The following HTR1E variants were observed in gnomAD, a reference collection of about 807,000 sequenced individuals.
The protein encoded by HTR1E is 5-HT-1E.
A neutral mutation model predicts 3.4 loss-of-function variants in HTR1E; 3 were observed. The ratio of observed to expected loss-of-function variants is 0.89; its 90% CI spans 0.41 to 2.31. The LOEUF (loss-of-function observed/expected upper bound fraction) is 2.31. Among genes scored for constraint, HTR1E ranks in the 30% most tolerant of loss-of-function variants. The pLI is 0.05. For synonymous variants in HTR1E, 170 were observed against 182.8 expected (o/e 0.93, Z 0.56); for missense variants, 392 against 467.0 (o/e 0.84, Z 1.48).
chr6:86,969,545 G>A (rs571786257), intron 1 of HTR1E, among the ~76,000 whole-genome samples: 1 of 152,160 alleles, frequency 6.6e-6, no homozygotes, highest in Non-Finnish European at 1.5e-5. Context: ...GGCAAAGAAT[G>A]AATCAAGTGT....
chr6:86,971,179 TG>T (rs1332451898), intron 1 of HTR1E: 1 of 474,898 alleles, frequency 2.1e-6, no homozygotes, highest in Non-Finnish European at 4.1e-6. Flanking sequence ...AGGCCTATTA[TG>T]GGAATGAACT....
At chr6:87,007,553 T>G (rs187172777) in intron 1 of HTR1E, among the ~76,000 whole-genome samples, 1 of 152,344 alleles carries the variant, frequency 6.6e-6, no homozygotes, top group East Asian at 1.9e-4. Context: ...TGATGATTAC[T>G]TGTTGTATGC....
At chr6:87,001,328 T>A (rs1309722287) in intron 1 of HTR1E, among the ~76,000 whole-genome samples, 1 of 152,140 alleles carries the variant, frequency 6.6e-6, no homozygotes, top group South Asian at 2.1e-4. Flanking sequence ...TAACACTAAA[T>A]GTAAATGGAC....
intron 1 of HTR1E, among the ~76,000 whole-genome samples, chr6:86,960,917 A>G (rs920933508): frequency 3.3e-5 from 5 of 152,234 alleles, no homozygotes; most frequent in African/African-American, 1.2e-4. Context: ...TAAAGAATGG[A>G]AAACCCATAT....
intron 1 of HTR1E, among the ~76,000 whole-genome samples, chr6:86,985,186 G>A (rs1024895402): frequency 2.0e-5 from 3 of 152,106 alleles, no homozygotes; most frequent in East Asian, 1.9e-4. Flanking sequence ...ATCCCATATA[G>A]GAGACAGGCC....
chr6:86,946,406 A>G (rs1294702498), intron 1 of HTR1E, among the ~76,000 whole-genome samples: 3 of 152,376 alleles, frequency 2.0e-5, no homozygotes, highest in African/African-American at 7.2e-5. Context: ...GTAGCCTAGA[A>G]GCAATAGGCT....
At chr6:86,942,896 A>G (rs1446512696) in intron 1 of HTR1E, among the ~76,000 whole-genome samples, 1 of 152,208 alleles carries the variant, frequency 6.6e-6, no homozygotes, top group Non-Finnish European at 1.5e-5. Flanking sequence ...AGAGGAAGCA[A>G]AAGTCTCAAA....
At chr6:87,009,890 T>C (rs866830153) in intron 1 of HTR1E, among the ~76,000 whole-genome samples, 358 of 39,514 alleles carry the variant, frequency 9.1e-3, no homozygotes, top group African/African-American at 0.016. Flanking sequence ...GGGGCCGACC[T>C]CCCCACCTCC....
intron 1 of HTR1E, among the ~76,000 whole-genome samples, chr6:87,004,121 C>A (rs547202917): frequency 1.3e-5 from 2 of 152,266 alleles, no homozygotes; most frequent in South Asian, 4.1e-4. Flanking sequence ...AATAAAAATT[C>A]TCCCAGCAAA....
intron 1 of HTR1E, among the ~76,000 whole-genome samples, chr6:87,012,469 G>A (rs1217466066): frequency 6.6e-6 from 1 of 152,072 alleles, no homozygotes; most frequent in African/African-American, 2.4e-5. Context: ...CCTAGGTGGT[G>A]AAATAAGCTG....
intron 1 of HTR1E, among the ~76,000 whole-genome samples, chr6:87,010,477 G>A (rs1427223141): frequency 6.8e-5 from 10 of 148,084 alleles, no homozygotes; most frequent in African/African-American, 1.7e-4. Context: ...ACGGGGTCTC[G>A]GCCGGGCAGA....
intron 1 of HTR1E, among the ~76,000 whole-genome samples, chr6:86,964,605 TA>T (rs1356125722): frequency 3.9e-5 from 6 of 152,224 alleles, no homozygotes; most frequent in African/African-American, 1.2e-4. Context: ...AACCTCTCTT[TA>T]TAACAGTAAA....
intron 1 of HTR1E, among the ~76,000 whole-genome samples, chr6:86,962,768 G>A (rs1374569146): frequency 6.6e-6 from 1 of 152,142 alleles, no homozygotes; most frequent in Non-Finnish European, 1.5e-5. Flanking sequence ...AACCTGGAAG[G>A]CAGAGATTGC....
At chr6:86,972,364 G>A (rs1237286915) in intron 1 of HTR1E, among the ~76,000 whole-genome samples, 1 of 151,872 alleles carries the variant, frequency 6.6e-6, no homozygotes, top group Non-Finnish European at 1.5e-5. Context: ...GTATTTTCAG[G>A]GGAAAAAAAA....
chr6:87,010,467 A>G (rs1235367533), intron 1 of HTR1E, among the ~76,000 whole-genome samples: 8 of 150,100 alleles, frequency 5.3e-5, no homozygotes, highest in African/African-American at 7.3e-5. Flanking sequence ...CACCTCCCAG[A>G]CGGGGTCTCG....
intron 1 of HTR1E, among the ~76,000 whole-genome samples, chr6:86,962,999 A>G (rs1767429716): frequency 6.6e-6 from 1 of 152,156 alleles, no homozygotes; most frequent in Non-Finnish European, 1.5e-5. Context: ...ATGTTAACTG[A>G]CAAACAGCGT....
intron 1 of HTR1E, among the ~76,000 whole-genome samples, chr6:86,941,544 C>A (rs996261721): frequency 2.0e-5 from 3 of 152,190 alleles, no homozygotes; most frequent in Non-Finnish European, 4.4e-5. Flanking sequence ...CAATTCTCAA[C>A]ACATGCAGTT....
At chr6:86,938,362 G>A (rs1768499748) in intron 1 of HTR1E, among the ~76,000 whole-genome samples, 1 of 152,156 alleles carries the variant, frequency 6.6e-6, no homozygotes, top group Admixed American at 6.5e-5. Context: ...TAATGAGGCA[G>A]GCTCATTTTT....
chr6:87,016,097 G>C lies in HTR1E; in HGVS notation c.763G>C (p.Glu255Gln). The C allele has an allele frequency of 6.2e-7, 1 of 1,614,122 alleles. No individual in the cohort carries two copies. The highest frequency in any genetic ancestry group is 8.5e-7 in the Non-Finnish European group (1 of 1,180,042). ...SDFSTSDPTT[E>Q]FEKFHASIRI... ...CTTCTCCACCTCAGACCCTACCACA[G>C]AGTTTGAAAAGTTCCATGCCTCCAT... Residue 255 changes from glutamate (E) to glutamine (Q), a missense_variant, in exon 2 of 2, where the codon GAG (glutamate) becomes CAG (glutamine). Transcript: ENST00000305344.
Sources: allele counts gnomAD v4.1 joint callset (sites outside exome capture counted in the v4.1 genomes callset), GRCh38; gene constraint gnomAD v4.1.1; transcripts MANE v1.5; gene names NCBI Gene and HGNC (gene_info 2026-07-23, HGNC 2026-07-21).